The following FHAD1 variants were observed in gnomAD, a reference collection of about 807,000 sequenced individuals.
FHAD1 encodes the protein forkhead-associated domain-containing protein 1.
Under a neutral mutation model 191.3 loss-of-function variants are expected in FHAD1, and 146 were observed. The ratio of observed to expected loss-of-function variants is 0.76; its 90% CI spans 0.67 to 0.88. FHAD1 has a LOEUF of 0.88. FHAD1 is among the 40% of genes least tolerant of loss of function. The probability of loss-of-function intolerance (pLI) is 0.00; values close to 1 mark genes in which losing one functional copy is unlikely to be tolerated. For synonymous variants in FHAD1, 616 were observed against 672.3 expected, an observed-to-expected ratio of 0.92 and a Z score of 1.29; for missense variants, 1,635 against 1,785.8, an observed-to-expected ratio of 0.92 and a Z score of 1.52.
At chr1:15,365,691 T>A in intron 23 of FHAD1, 136 bp from the exon 24 acceptor site, 2 of 573,384 alleles carry the variant, frequency 3.5e-6, no homozygotes, top group Non-Finnish European at 3.2e-6. Flanking sequence ...AAGACTGTCC[T>A]CATCCTTTGC....
At chr1:15,328,685 C>A in intron 13 of FHAD1, 1 of 340,650 alleles carries the variant, frequency 2.9e-6, no homozygotes, top group Non-Finnish European at 5.3e-6. Context: ...GGCCCGCATC[C>A]CCAGCCAAAA....
chr1:15,367,889 G>T (rs1043377942), intron 25 of FHAD1, among the ~76,000 whole-genome samples: 1 of 152,086 alleles, frequency 6.6e-6, no homozygotes, highest in Admixed American at 6.6e-5. Context: ...CTGTGCTTGG[G>T]CTCCCTCAGC....
chr1:15,301,608 A>G (rs1668803766), intron 6 of FHAD1, among the ~76,000 whole-genome samples, 167 bp downstream of exon 6: 1 of 152,264 alleles, frequency 6.6e-6, no homozygotes, highest in South Asian at 2.1e-4. Flanking sequence ...GTTTCCTAGC[A>G]TGGTAAGAAC....
At chr1:15,363,925 G>A (rs1396871443) in intron 23 of FHAD1, 3 of 378,866 alleles carry the variant, frequency 7.9e-6, no homozygotes, top group South Asian at 2.0e-5. Context: ...CCTAGTGACC[G>A]AAGTCTAATG....
chr1:15,336,808 T>G (rs1338284533), intron 14 of FHAD1, among the ~76,000 whole-genome samples: 2 of 152,176 alleles, frequency 1.3e-5, no homozygotes, highest in Non-Finnish European at 1.5e-5. Flanking sequence ...TCTCGGGGAC[T>G]GTGTCTCTGA....
chr1:15,324,879 C>T (rs1677757137), intron 11 of FHAD1: 1 of 378,364 alleles, frequency 2.6e-6, no homozygotes, highest in Admixed American at 3.7e-5. Context: ...GCATTTTCTC[C>T]TTAATGTTTT....
At position 15,341,895 on chromosome 1, in the gene FHAD1, T is replaced by A; in HGVS notation, c.2130+7T>A. Reference sequence around the variant, plus strand: ...ACTGACGGAAGAGAAGGCGGTAAGGTGGTCCCTGCCATTTGCTTTACTACT... The same window carrying A: ...ACTGACGGAAGAGAAGGCGGTAAGGAGGTCCCTGCCATTTGCTTTACTACT... On this transcript the variant is annotated splice_region_variant and intron_variant, in intron 16 of 33. Transcript: ENST00000688493. 6.5e-7 allele frequency: 1 copy of A among 1,550,002 alleles called. No individual in the cohort carries two copies. Among genetic ancestry groups the A allele is most frequent in the South Asian group, 1.2e-5 (1 of 83,804 alleles).
At position 15,381,391 on chromosome 1, in the gene FHAD1, A is replaced by G. The variant is rs1700864289; in HGVS notation, c.3962A>G (p.Asn1321Ser). 1 of 1,551,620 alleles carries G rather than the reference A, an allele frequency of 6.4e-7. No homozygotes were observed. Among genetic ancestry groups the G allele is most frequent in the Non-Finnish European group, 8.7e-7 (1 of 1,147,002 alleles). Reference protein sequence around the residue: ...LVFDKITQLKNQLGRKEELLR... With the variant: ...LVFDKITQLKSQLGRKEELLR... ...TTTGATAAGATCACCCAACTCAAGA[A>G]CCAGCTGGGGAGGAAAGAGGAGCTG... The change falls in exon 30 of 34, where the codon AAC (asparagine) becomes AGC (serine). Residue 1321 changes from asparagine (N) to serine (S), a missense_variant. Physicochemically the swap from Asn to Ser is conservative, Grantham distance 46 (BLOSUM62 1). Transcript: ENST00000688493. This position sits in a 1 kb window ranked among gnomAD's most constrained non-coding sequence, Gnocchi z 4.6.
Position 15,308,712 on chromosome 1 carries a change from A to G in FHAD1, c.1015A>G (p.Lys339Glu). Residue 339 changes from lysine to glutamate, a missense_variant, in exon 7 of 34, where the codon AAG (lysine) becomes GAG (glutamate). Coordinates refer to ENST00000688493, the MANE Select transcript of FHAD1 (RefSeq NM_001391957.1). ...CCTGAAGAATGAGGGCGAGAACTTAAAGAGAGACAACGCTATCACATCAGG... is the reference window on the plus strand; with the variant it reads ...CCTGAAGAATGAGGGCGAGAACTTAGAGAGAGACAACGCTATCACATCAGG... ...TSLKNEGENL[K>E]RDNAITSGMV... 6.4e-7 allele frequency: 1 copy of G among 1,551,708 alleles called. No homozygotes were observed. The highest frequency in any genetic ancestry group is 8.7e-7 in the Non-Finnish European group (1 of 1,147,000).
At chr1:15,357,520 G>A (rs1693223238) in intron 20 of FHAD1, among the ~76,000 whole-genome samples, 1 of 151,916 alleles carries the variant, frequency 6.6e-6, no homozygotes, top group Admixed American at 6.6e-5. Flanking sequence ...CTACTTGGGA[G>A]GCTGAAGCAG....
chr1:15,347,060 G>A (rs1384610690), intron 18 of FHAD1, among the ~76,000 whole-genome samples: 2 of 152,230 alleles, frequency 1.3e-5, no homozygotes, highest in Non-Finnish European at 2.9e-5. Context: ...CAAAGCCTGT[G>A]CCATTTGATC....
chr1:15,357,490 G>A (rs779407652), intron 20 of FHAD1, among the ~76,000 whole-genome samples: 84 of 152,278 alleles, frequency 5.5e-4, no homozygotes, highest in Non-Finnish European at 1.1e-3. Context: ...GGGTGTGGTA[G>A]CGTGTGCCTG....
Position 15,391,140 on chromosome 1 carries a change from A to C in FHAD1, c.4270-70A>C, listed in dbSNP as rs1013350322. 7 of 912,692 alleles carry C rather than the reference A, an allele frequency of 7.7e-6. No individual in the cohort carries two copies. The African/African-American group carries it at 1.1e-4, about 14-fold the overall frequency. The allele number at this position is 912,692 out of a possible 1,614,324, so 56.5% of individuals were successfully genotyped here. A position where few individuals can be genotyped will look rare whatever the true frequency, so the allele number is the denominator to read the frequency against. On this transcript the variant is annotated intron_variant, in intron 32 of 33. Transcript: ENST00000688493. ...AGCATCTAAAAGTGGAGAAAAATCC[A>C]TTTTTCTTTGATGCAAAAGGCAAAG... is the stretch of plus-strand genomic sequence containing the variant.
chr1:15,392,638 C>A (rs1338121835), intron 33 of FHAD1, among the ~76,000 whole-genome samples: 1 of 152,168 alleles, frequency 6.6e-6, no homozygotes, highest in Non-Finnish European at 1.5e-5. Flanking sequence ...CATGACCACC[C>A]TGAGGAAGAT....
intron 2 of FHAD1, among the ~76,000 whole-genome samples, chr1:15,269,357 A>C (rs938914039): frequency 1.3e-5 from 2 of 152,030 alleles, no homozygotes; most frequent in African/African-American, 2.4e-5. Flanking sequence ...TTTAAGTGGT[A>C]TTTTCATTTT....
chr1:15,261,551 C>A (rs1383343532), intron 2 of FHAD1, among the ~76,000 whole-genome samples: 1 of 152,120 alleles, frequency 6.6e-6, no homozygotes, highest in Admixed American at 6.5e-5. Flanking sequence ...AGCACTGATT[C>A]TGGGGAGCTC....
At chr1:15,375,524 G>T in intron 27 of FHAD1, 79 bp from the exon 28 acceptor site, 2 of 1,357,904 alleles carry the variant, frequency 1.5e-6, no homozygotes, top group Non-Finnish European at 2.0e-6. Flanking sequence ...TAAGTGTCCT[G>T]TAAATAGTTG....
chr1:15,272,276 G>A (rs1178212835), intron 2 of FHAD1, 47 bp from the exon 3 acceptor site: 1 of 1,514,488 alleles, frequency 6.6e-7, no homozygotes, highest in Admixed American at 2.0e-5. Context: ...TAGGGGCCGT[G>A]TCATTTTTGT....
intron 21 of FHAD1, among the ~76,000 whole-genome samples, chr1:15,358,946 A>G (rs1558218215): frequency 6.8e-6 from 1 of 146,622 alleles, no homozygotes; most frequent in Non-Finnish European, 1.5e-5. Flanking sequence ...CCTTGGCGGG[A>G]GCTGGGGGAG....
Sources: gnomAD v4.1 joint callset for allele counts (sites outside exome capture counted in the v4.1 genomes callset) on GRCh38, gnomAD v4.1.1 for gene constraint, Gnocchi (gnomAD v3.1) non-coding constraint, MANE v1.5 for transcripts, NCBI Gene and HGNC (gene_info 2026-07-23, HGNC 2026-07-21) for gene names.